The following CREB5 variants were observed in gnomAD, a reference collection of about 807,000 sequenced individuals.
The protein encoded by CREB5 is cAMP responsive element binding protein 5.
CREB5 carries 19 observed loss-of-function variants against 57.1 expected under a neutral mutation model. The observed-to-expected ratio is 0.33, with a 90% confidence interval of 0.23 to 0.49. The LOEUF is 0.49. Among genes scored for constraint, CREB5 ranks in the 20% least tolerant of loss-of-function variants. CREB5 has a pLI of 0.99. For synonymous variants in CREB5, 238 were observed against 238.3 expected (o/e 1.00, Z 0.01); for missense variants, 579 against 671.6 (o/e 0.86, Z 1.52).
Position 28,824,841 on chromosome 7 carries a change from C to G in CREB5, c.*5562C>G, listed in dbSNP as rs764021382. 1.3e-5 allele frequency: 2 copies of G among 152,570 alleles called. No individual in the cohort carries two copies. The highest frequency in any genetic ancestry group is 2.9e-5 in the Non-Finnish European group (2 of 68,022). The allele number at this position is 152,570 out of a possible 1,614,324, so 9.5% of individuals were successfully genotyped here. ...GCCAACACTTGTTAAAAGATTAATA[C>G]TCTTAAGTGGCACTCTGATACCTTT... On this transcript the variant is annotated 3_prime_UTR_variant, in exon 11 of 11. Transcript: ENST00000357727.
intron 5 of CREB5, among the ~76,000 whole-genome samples, chr7:28,574,670 T>A (rs973845580): frequency 1.3e-5 from 2 of 152,192 alleles, no homozygotes; most frequent in African/African-American, 4.8e-5. Context: ...ATTCTACATA[T>A]TTTTTTCTTA....
At position 28,413,335 on chromosome 7, in the gene CREB5, G is replaced by A. The variant is rs80036696; in HGVS notation, c.3+418G>A. 4.1e-3 allele frequency among the ~76,000 whole-genome samples: 619 copies of A among 151,878 alleles called. 8 individuals carry two copies. The highest frequency in any genetic ancestry group is 0.014 in the African/African-American group (585 of 41,414). On this transcript the variant is annotated intron_variant, in intron 1 of 10. Transcript: ENST00000357727. ...AAAAAAAACAATAAAACAGTTTTCCGCATTCAAACCTAGATGTGTATGCCC... is the reference window on the plus strand; with the variant it reads ...AAAAAAAACAATAAAACAGTTTTCCACATTCAAACCTAGATGTGTATGCCC...
At chr7:28,690,272 A>G (rs1224151294) in intron 5 of CREB5, among the ~76,000 whole-genome samples, 2 of 152,168 alleles carry the variant, frequency 1.3e-5, no homozygotes, top group Admixed American at 6.5e-5. Context: ...TTGCTAAGCA[A>G]CAGAAGAGGC....
intron 1 of CREB5, among the ~76,000 whole-genome samples, chr7:28,366,776 A>C (rs1159639237): frequency 6.6e-6 from 1 of 152,208 alleles, no homozygotes; most frequent in Non-Finnish European, 1.5e-5. Flanking sequence ...CCTAGCTATT[A>C]CAGTTATTAA....
intron 1 of CREB5, among the ~76,000 whole-genome samples, chr7:28,335,582 G>T (rs1043986263): frequency 6.6e-6 from 1 of 151,682 alleles, no homozygotes; most frequent in Non-Finnish European, 1.5e-5. Flanking sequence ...GTCACTTCTA[G>T]TAGTTTTCTT....
chr7:28,677,262 G>A (rs184977630), intron 5 of CREB5, among the ~76,000 whole-genome samples: 77 of 152,190 alleles, frequency 5.1e-4, no homozygotes, highest in African/African-American at 1.7e-3. Context: ...GTGGACTATG[G>A]ATCACTAGCA....
intron 4 of CREB5, among the ~76,000 whole-genome samples, chr7:28,524,102 T>G (rs1350330544): frequency 6.6e-6 from 1 of 152,194 alleles, no homozygotes; most frequent in Non-Finnish European, 1.5e-5. Context: ...ACTTGGTTTA[T>G]CTGAGACAAG....
rs546656901 is a variant in CREB5, at chr7:28,550,273, A to T, written c.292-20092A>T. On this transcript the variant is annotated intron_variant, in intron 4 of 10. Coordinates refer to ENST00000357727, the MANE Select transcript of CREB5 (RefSeq NM_182898.4). ...TTAACGTTTTCATAGTTTCCCTTGG[A>T]ATATTTTAGCCCTGAAGAGCTAAAC... 4.0e-5 allele frequency among the ~76,000 whole-genome samples: 6 copies of T among 151,834 alleles called. No individual in the cohort carries two copies. In the South Asian group the frequency reaches 1.2e-3, roughly 32 times the overall value.
intron 1 of CREB5, among the ~76,000 whole-genome samples, chr7:28,375,715 G>A (rs1225419202): frequency 6.7e-6 from 1 of 149,324 alleles, no homozygotes; most frequent in Non-Finnish European, 1.5e-5. Context: ...AGTGAGTACT[G>A]TTCAAAATGG....
At chr7:28,584,905 T>A (rs530088433) in intron 5 of CREB5, among the ~76,000 whole-genome samples, 1 of 152,138 alleles carries the variant, frequency 6.6e-6, no homozygotes, top group Non-Finnish European at 1.5e-5. Context: ...AGAACAGCTA[T>A]CTTGCTGTTG....
At chr7:28,570,291 G>T (rs945450626) in intron 4 of CREB5, 74 bp from the exon 5 acceptor site, 1 of 1,488,764 alleles carries the variant, frequency 6.7e-7, no homozygotes, top group Non-Finnish European at 9.1e-7. Context: ...TCCCAGTTTT[G>T]GCCTTTGAGA....
At chr7:28,414,854 C>T (rs1042866332) in intron 1 of CREB5, among the ~76,000 whole-genome samples, 2 of 151,764 alleles carry the variant, frequency 1.3e-5, no homozygotes, top group African/African-American at 4.8e-5. Context: ...TTCCAGAAAC[C>T]CCACTAAAAT....
chr7:28,433,175 A>T (rs2128556651), intron 1 of CREB5, among the ~76,000 whole-genome samples: 1 of 152,244 alleles, frequency 6.6e-6, no homozygotes, highest in East Asian at 1.9e-4. Context: ...TATTTTTCCA[A>T]AGGAATTATT....
chr7:28,420,891 A>C (rs1383022355), intron 1 of CREB5, among the ~76,000 whole-genome samples: 1 of 151,882 alleles, frequency 6.6e-6, no homozygotes, highest in Non-Finnish European at 1.5e-5. Context: ...ATGGGGAAAA[A>C]GTTTGCTTGT....
chr7:28,816,940 C>T (rs1464761875), intron 9 of CREB5, among the ~76,000 whole-genome samples: 1 of 152,224 alleles, frequency 6.6e-6, no homozygotes, highest in Non-Finnish European at 1.5e-5. Flanking sequence ...CATTTACGTT[C>T]ACTTTTATCA....
At chr7:28,410,191 C>G (rs570473728), upstream of CREB5, 1 of 451,300 alleles carries the variant, frequency 2.2e-6, no homozygotes, top group Admixed American at 2.4e-5. Flanking sequence ...CCTCGGAGGG[C>G]GCTTGGCTTT....
rs568645939 is a variant in CREB5 at position 28,402,339 on chromosome 7, A to G, written c.-24-92567A>G. On this transcript the variant is annotated intron_variant, in intron 1 of 9. Coordinates refer to the CREB5 transcript ENST00000396299. ...CCCTCTACTTGAAAGTTCATGTGGA[A>G]CCAAAAAAGAGCCCGCATTGCCAAG... Among the ~76,000 whole-genome samples the G allele has an allele frequency of 3.2e-4, 48 of 152,264 alleles. No individual in the cohort carries two copies. The South Asian group carries it at 9.5e-3, about 30-fold the overall frequency.
chr7:28,808,971 TG>T (rs1808923218), intron 8 of CREB5, among the ~76,000 whole-genome samples: 2 of 152,204 alleles, frequency 1.3e-5, no homozygotes, highest in Admixed American at 1.3e-4. Context: ...TCCTATATCT[TG>T]CCAACACATC....
At chr7:28,523,340 G>A (rs1793291866) in intron 4 of CREB5, among the ~76,000 whole-genome samples, 1 of 152,152 alleles carries the variant, frequency 6.6e-6, no homozygotes, top group Non-Finnish European at 1.5e-5. Context: ...TTCTACCACT[G>A]GGAATACTCC....
Sources: allele counts gnomAD v4.1 joint callset (sites outside exome capture counted in the v4.1 genomes callset), GRCh38; gene constraint gnomAD v4.1.1; transcripts MANE v1.5; gene names NCBI Gene and HGNC (gene_info 2026-07-23, HGNC 2026-07-21).